TJP1: variants seen among roughly 807,000 people sequenced by gnomAD.
TJP1 encodes the protein tight junction protein 1.
Under a neutral mutation model 194.2 loss-of-function variants are expected in TJP1, and 43 were observed. The ratio of observed to expected loss-of-function variants is 0.22; its 90% CI spans 0.17 to 0.29. TJP1 has a LOEUF of 0.29. Ranked by LOEUF, TJP1 falls within the 10% of genes least tolerant of loss-of-function variation. The pLI, the probability that TJP1 is intolerant of heterozygous loss-of-function variation, is 1.00. For missense variants in TJP1, 1,971 were observed against 2,185.7 expected (o/e 0.90, Z 1.96); for synonymous variants, 801 against 779.0 (o/e 1.03, Z -0.47).
In TJP1 at chr15:29,804,916, C is replaced by T. The variant is rs117518580; in HGVS notation, c.28-4214G>A. On this transcript the variant is annotated intron_variant, in intron 1 of 27. Coordinates refer to ENST00000614355, the MANE Select transcript of TJP1 (RefSeq NM_001330239.4). Reference sequence around the variant, plus strand: ...AGACCAGGCATAAGGAGACCAGAGCCGAAAGGTATCATCAACTAGAAACGT... The same window carrying T: ...AGACCAGGCATAAGGAGACCAGAGCTGAAAGGTATCATCAACTAGAAACGT... Among the ~76,000 whole-genome samples the T allele has an allele frequency of 4.9e-3, 748 of 152,160 alleles. 30 individuals are homozygous for T. In the East Asian group the frequency reaches 0.096, roughly 20 times the overall value.
chr15:29,838,349 C>T (rs2051105620), intron 2 of TJP1, among the ~76,000 whole-genome samples: 1 of 152,122 alleles, frequency 6.6e-6, no homozygotes, highest in African/African-American at 2.4e-5. Flanking sequence ...TGCTTGAACC[C>T]AGGAGGCAGA....
Position 29,718,968 on chromosome 15 carries a change from T to C in TJP1, c.3174A>G (p.Thr1058=), listed in dbSNP as rs749627273. ...TATAGCTTGAGGACTCGTATCTGTA[T>C]GTGGGCTGCTCGAGGTCTCTGCTGG... ...KQASRDLEQP[T]YRYESSSYTD... is the part of the protein sequence containing the mutation. Residue 1058 remains threonine (T), a synonymous_variant, in exon 21 of 28, where the codon ACA becomes ACG. Transcript: ENST00000614355. 14 of 1,614,190 alleles carry C rather than the reference T, an allele frequency of 8.7e-6. No individual in the cohort carries two copies. Among genetic ancestry groups the C allele is most frequent in the Non-Finnish European group, 1.2e-5 (14 of 1,180,032 alleles).
chr15:29,950,018 T>A (rs1192101822), intron 2 of TJP1, among the ~76,000 whole-genome samples: 4 of 49,398 alleles, frequency 8.1e-5, no homozygotes, highest in Admixed American at 2.5e-4. Context: ...AACCACCACC[T>A]CCACCTCCAC....
In TJP1 at chr15:29,709,873, G is replaced by T. The variant is rs45497791; in HGVS notation, c.4373-837C>A. 2.1e-3 allele frequency among the ~76,000 whole-genome samples: 323 copies of T among 152,282 alleles called. 1 individual carries two copies. The highest frequency in any genetic ancestry group is 6.8e-3 in the Middle Eastern group (2 of 294). ...CAAGAAAAGAAAGAAGGCTAGGTGC[G>T]GTGGCTCATGCCTGTAATCCCAGCA... On this transcript the variant is annotated intron_variant, in intron 24 of 27. Transcript: ENST00000614355.
chr15:29,943,672 A>G (rs2152287894), intron 2 of TJP1, among the ~76,000 whole-genome samples: 1 of 149,284 alleles, frequency 6.7e-6, no homozygotes, highest in East Asian at 2.0e-4. Flanking sequence ...TTTCAGGCCA[A>G]GCATGGTGGC....
chr15:29,886,129 A>G (rs993804274), intron 2 of TJP1, among the ~76,000 whole-genome samples: 1 of 152,272 alleles, frequency 6.6e-6, no homozygotes, highest in Non-Finnish European at 1.5e-5. Flanking sequence ...CAATTTAAAA[A>G]TACTGTGTGC....
chr15:29,836,260 T>C (rs2051024346), intron 2 of TJP1, among the ~76,000 whole-genome samples: 1 of 151,960 alleles, frequency 6.6e-6, no homozygotes, highest in Admixed American at 6.6e-5. Context: ...TTACGTTATC[T>C]GTGGGATGAT....
At chr15:29,823,875 C>G (rs1430022431), upstream of TJP1, 5 of 151,096 alleles carry the variant, frequency 3.3e-5, no homozygotes, top group Admixed American at 3.3e-4. Flanking sequence ...ATCACGAGGT[C>G]AGGAGTTTGA....
intron 8 of TJP1, among the ~76,000 whole-genome samples, chr15:29,760,899 T>C (rs2045960184): frequency 6.6e-6 from 1 of 152,228 alleles, no homozygotes; most frequent in African/African-American, 2.4e-5. Flanking sequence ...TGGTTGCTTT[T>C]GCAGTTGAGC....
intron 2 of TJP1, among the ~76,000 whole-genome samples, chr15:29,859,766 GT>G (rs1284098882): frequency 6.6e-6 from 1 of 152,180 alleles, no homozygotes; most frequent in Admixed American, 6.5e-5. Context: ...TCCGAGAATT[GT>G]TCTTGCTCTC....
chr15:29,906,051 G>A (rs2053797841), intron 2 of TJP1, among the ~76,000 whole-genome samples: 1 of 152,288 alleles, frequency 6.6e-6, no homozygotes, highest in Non-Finnish European at 1.5e-5. Context: ...TTAATCAGTG[G>A]TAACTAAAGT....
At chr15:29,891,626 A>G (rs749846038) in intron 2 of TJP1, among the ~76,000 whole-genome samples, 1 of 152,204 alleles carries the variant, frequency 6.6e-6, no homozygotes, top group African/African-American at 2.4e-5. Flanking sequence ...CATTCTCACA[A>G]TATTTCAAAC....
At chr15:29,959,217 C>T (rs2056066820) in intron 1 of TJP1, among the ~76,000 whole-genome samples, 1 of 151,548 alleles carries the variant, frequency 6.6e-6, no homozygotes, top group East Asian at 1.9e-4. Flanking sequence ...TCTCCATCTC[C>T]TGACCTCGTG....
chr15:29,805,652 T>C (rs2049063599), intron 1 of TJP1, among the ~76,000 whole-genome samples: 1 of 149,634 alleles, frequency 6.7e-6, no homozygotes, highest in African/African-American at 2.4e-5. Context: ...CTAAATGGTA[T>C]TTAGGTTGGT....
intron 2 of TJP1, among the ~76,000 whole-genome samples, chr15:29,844,819 C>G (rs971582967): frequency 3.3e-5 from 5 of 152,092 alleles, no homozygotes; most frequent in African/African-American, 1.2e-4. Flanking sequence ...TACAAATAAT[C>G]ATCAATTTAA....
chr15:29,807,012 TAAG>T (rs1370054690), intron 1 of TJP1, among the ~76,000 whole-genome samples: 2 of 152,112 alleles, frequency 1.3e-5, no homozygotes, highest in African/African-American at 2.4e-5. Context: ...ATGATCAAAA[TAAG>T]AAGGCAGCAA....
intron 8 of TJP1, among the ~76,000 whole-genome samples, chr15:29,750,101 G>A (rs890383004): frequency 5.3e-5 from 8 of 151,612 alleles, no homozygotes; most frequent in East Asian, 1.9e-4. Flanking sequence ...TCCGCCTCCC[G>A]GGTTCACGCC....
At chr15:29,714,829 C>T (rs2042463925) in intron 23 of TJP1, among the ~76,000 whole-genome samples, 1 of 152,314 alleles carries the variant, frequency 6.6e-6, no homozygotes, top group Middle Eastern at 3.4e-3. Flanking sequence ...GCACGAGCCA[C>T]TGCGCCTGGC....
rs545589682 is a variant in TJP1 at position 29,781,884 on chromosome 15, G to A, written c.85-8527C>T. Among the ~76,000 whole-genome samples, 3 of 152,270 alleles carry A rather than the reference G, an allele frequency of 2.0e-5. No homozygotes were observed. In the South Asian group the frequency reaches 6.2e-4, roughly 32 times the overall value. On this transcript the variant is annotated intron_variant, in intron 2 of 27. Transcript: ENST00000614355. Reference sequence around the variant, plus strand: ...ACATCATACTGAATGGGCAAAAGCTGGAAGCATTCTCCTTGAGAACCAGCA... The same window carrying A: ...ACATCATACTGAATGGGCAAAAGCTAGAAGCATTCTCCTTGAGAACCAGCA...
Sources: allele counts gnomAD v4.1 joint callset (sites outside exome capture counted in the v4.1 genomes callset), GRCh38; gene constraint gnomAD v4.1.1; transcripts MANE v1.5; gene names NCBI Gene and HGNC (gene_info 2026-07-23, HGNC 2026-07-21).